Variants in CDH6 observed in about 807,000 individuals in gnomAD.
CDH6 encodes the protein cadherin-6.
Under a neutral mutation model 78.0 loss-of-function variants are expected in CDH6, and 31 were observed. The observed-to-expected ratio is 0.40, with a 90% confidence interval of 0.30 to 0.54. The LOEUF (loss-of-function observed/expected upper bound fraction) is 0.54. Ranked by LOEUF, CDH6 falls within the 20% of genes least tolerant of loss-of-function variation. The pLI, the probability that CDH6 is intolerant of heterozygous loss-of-function variation, is 0.56. For missense variants in CDH6, 724 were observed against 975.9 expected (o/e 0.74, Z 3.44); for synonymous variants, 376 against 368.8 (o/e 1.02, Z -0.23).
chr5:31,314,427 T>C (rs1415222537), intron 8 of CDH6, among the ~76,000 whole-genome samples: 1 of 151,616 alleles, frequency 6.6e-6, no homozygotes, highest in Non-Finnish European at 1.5e-5. Flanking sequence ...TTAGCTCACT[T>C]TGGGTATCTA....
At chr5:31,321,594 G>A (rs916053655) in intron 11 of CDH6, among the ~76,000 whole-genome samples, 1 of 151,986 alleles carries the variant, frequency 6.6e-6, no homozygotes, top group Non-Finnish European at 1.5e-5. Context: ...AGCTCTCAAC[G>A]GGTAACCAAT....
Position 31,257,959 on chromosome 5 carries a change from T to C in CDH6, c.-128-9387T>C, listed in dbSNP as rs1397184329. Among the ~76,000 whole-genome samples the C allele has an allele frequency of 2.0e-5, 3 of 152,340 alleles. No homozygotes were observed. The East Asian group carries it at 5.8e-4, about 29-fold the overall frequency. On this transcript the variant is annotated intron_variant, in intron 1 of 11. Coordinates refer to ENST00000265071, the MANE Select transcript of CDH6 (RefSeq NM_004932.4). ...GTTCTGCCACTCACTAGCTATGTAC[T>C]CTGGGCAAAGTATTCAGTCCCTCTA...
intron 2 of CDH6, among the ~76,000 whole-genome samples, chr5:31,290,428 A>C: frequency 6.6e-6 from 1 of 152,230 alleles, no homozygotes. Flanking sequence ...GAATCGTTAA[A>C]AGTGAACCAG....
intron 1 of CDH6, among the ~76,000 whole-genome samples, chr5:31,226,764 T>C (rs895274629): frequency 1.3e-5 from 2 of 152,148 alleles, no homozygotes; most frequent in South Asian, 2.1e-4. Flanking sequence ...AAATTCGTCG[T>C]TTTTGCTATT....
chr5:31,300,081 C>T (rs1737720533), intron 5 of CDH6, among the ~76,000 whole-genome samples: 1 of 152,222 alleles, frequency 6.6e-6, no homozygotes, highest in South Asian at 2.1e-4. Flanking sequence ...GTGGAAGTAA[C>T]TAGGTACTTA....
Position 31,198,486 on chromosome 5 carries a change from A to G in CDH6, c.-129+4600A>G, listed in dbSNP as rs190164265. ...TGAAGAAGATGAGGCACATAAAGCT[A>G]GCATACCACAGGGTATGATTTATCT... On this transcript the variant is annotated intron_variant, in intron 1 of 11. Coordinates refer to ENST00000265071, the MANE Select transcript of CDH6 (RefSeq NM_004932.4). 3.9e-4 allele frequency among the ~76,000 whole-genome samples: 59 copies of G among 152,306 alleles called. 1 individual carries two copies. Among genetic ancestry groups the G allele is most frequent in the African/African-American group, 1.4e-3 (58 of 41,582 alleles).
At chr5:31,240,110 G>A (rs1254004523) in intron 1 of CDH6, among the ~76,000 whole-genome samples, 1 of 152,110 alleles carries the variant, frequency 6.6e-6, no homozygotes, top group South Asian at 2.1e-4. Flanking sequence ...GGCCTTAAAA[G>A]CCTGTGGAAT....
Position 31,323,040 on chromosome 5 carries a change from G to A in CDH6, c.2105G>A (p.Arg702Gln). 2 of 1,614,056 alleles carry A rather than the reference G, an allele frequency of 1.2e-6. No homozygotes were observed. The highest frequency in any genetic ancestry group is 1.1e-5 in the South Asian group (1 of 91,076). The stretch of plus-strand genomic sequence containing the variant: ...CCCGAAGCCCTTTTCCTACCCCGAC[G>A]GACTCCAACAGCTCGCGACAACACC... ...IVPEALFLPRRTPTARDNTDV... is the reference protein window; with the variant it reads ...IVPEALFLPRQTPTARDNTDV... The change falls in exon 12 of 12, where the codon CGG (arginine) becomes CAG (glutamine). Residue 702 changes from arginine to glutamine, a missense_variant. Coordinates refer to ENST00000265071, the MANE Select transcript of CDH6 (RefSeq NM_004932.4).
At chr5:31,314,060 G>T (rs977061442) in intron 8 of CDH6, among the ~76,000 whole-genome samples, 2 of 152,222 alleles carry the variant, frequency 1.3e-5, no homozygotes, top group South Asian at 4.1e-4. Context: ...CCAAAAGAAT[G>T]CTTCAAATAA....
chr5:31,247,292 T>C (rs766489426), intron 1 of CDH6, among the ~76,000 whole-genome samples: 2 of 152,228 alleles, frequency 1.3e-5, no homozygotes, highest in Non-Finnish European at 2.9e-5. Flanking sequence ...CCTTAGGACA[T>C]GAATATGGTC....
intron 1 of CDH6, among the ~76,000 whole-genome samples, chr5:31,264,276 C>A (rs139123568): frequency 6.6e-6 from 1 of 152,306 alleles, no homozygotes; most frequent in Non-Finnish European, 1.5e-5. Flanking sequence ...GGATTCTATA[C>A]ATGCAATACA....
chr5:31,229,298 G>A (rs1579833546), intron 1 of CDH6, among the ~76,000 whole-genome samples: 2 of 152,186 alleles, frequency 1.3e-5, no homozygotes, highest in Admixed American at 6.5e-5. Flanking sequence ...CAGACCTCTT[G>A]TTATCCAGTT....
chr5:31,310,716 C>T (rs908405456), intron 7 of CDH6, among the ~76,000 whole-genome samples: 1 of 152,222 alleles, frequency 6.6e-6, no homozygotes, highest in Admixed American at 6.5e-5. Flanking sequence ...TCAGGCCCAA[C>T]ACCATGTAGA....
At chr5:31,289,608 TC>T (rs1003097091) in intron 2 of CDH6, among the ~76,000 whole-genome samples, 1 of 152,190 alleles carries the variant, frequency 6.6e-6, no homozygotes, top group Admixed American at 6.5e-5. Flanking sequence ...GTATGAGAGT[TC>T]CCGTTTCTCC....
rs10041435 is a variant in CDH6, at chr5:31,265,278, C to G, written c.-128-2068C>G. On this transcript the variant is annotated intron_variant, in intron 1 of 11. Coordinates refer to ENST00000265071, the MANE Select transcript of CDH6 (RefSeq NM_004932.4). Reference sequence around the variant, plus strand: ...GAAGAATCATTCGTACCTAATTGATCGTCAGTCATTCCACCCCTGTACCAA... The same window carrying G: ...GAAGAATCATTCGTACCTAATTGATGGTCAGTCATTCCACCCCTGTACCAA... Among the ~76,000 whole-genome samples the G allele has an allele frequency of 9.2e-3, 1,394 of 152,272 alleles. 21 individuals carry two copies. The highest frequency in any genetic ancestry group is 0.032 in the African/African-American group (1,315 of 41,534).
chr5:31,203,391 TC>T (rs1740423554), intron 1 of CDH6, among the ~76,000 whole-genome samples: 3 of 83,602 alleles, frequency 3.6e-5, no homozygotes, highest in Admixed American at 1.5e-4. Context: ...ATGCTATCCC[TC>T]CCCCCTCCCC....
At chr5:31,202,817 CTATA>C (rs1272203326) in intron 1 of CDH6, among the ~76,000 whole-genome samples, 1 of 150,450 alleles carries the variant, frequency 6.6e-6, no homozygotes, top group African/African-American at 2.4e-5. Context: ...ATATATAAAA[CTATA>C]TGTATATATA....
At chr5:31,223,746 G>A (rs1004766338) in intron 1 of CDH6, among the ~76,000 whole-genome samples, 14 of 152,290 alleles carry the variant, frequency 9.2e-5, no homozygotes, top group Admixed American at 1.3e-4. Context: ...TAATGGACAA[G>A]TGAAAAGAAA....
intron 1 of CDH6, among the ~76,000 whole-genome samples, chr5:31,245,636 G>GA (rs774785736): frequency 5.9e-5 from 9 of 152,098 alleles, no homozygotes; most frequent in Non-Finnish European, 8.8e-5. Context: ...GCAGAAAGTT[G>GA]AAAACTAATA....
Sources: gnomAD v4.1 joint callset for allele counts (sites outside exome capture counted in the v4.1 genomes callset) on GRCh38, gnomAD v4.1.1 for gene constraint, MANE v1.5 for transcripts, NCBI Gene and HGNC (gene_info 2026-07-23, HGNC 2026-07-21) for gene names.